NR3C2: variants seen among roughly 807,000 people sequenced by gnomAD.
The protein encoded by NR3C2 is mineralocorticoid receptor.
In NR3C2, 15 loss-of-function variants were observed where a neutral mutation model predicts 86.4. The observed-to-expected ratio is 0.17, with a 90% CI of 0.12 to 0.27. NR3C2 has a LOEUF of 0.27. Ranked by LOEUF, NR3C2 falls within the 10% of genes least tolerant of loss-of-function variation. The pLI, the probability that NR3C2 is intolerant of heterozygous loss-of-function variation, is 1.00. For missense variants in NR3C2, 960 were observed against 1,195.6 expected, an observed-to-expected ratio of 0.80 and a Z score of 2.91; for synonymous variants, 458 against 450.5, an observed-to-expected ratio of 1.02 and a Z score of -0.21.
chr4:148,266,330 C>T (rs912452879), intron 2 of NR3C2, among the ~76,000 whole-genome samples: 5 of 152,156 alleles, frequency 3.3e-5, no homozygotes, highest in African/African-American at 1.2e-4. Flanking sequence ...CTCGGCCTCC[C>T]AACGTGTTGG....
At chr4:148,305,684 AT>A (rs1283097871) in intron 2 of NR3C2, among the ~76,000 whole-genome samples, 2 of 152,314 alleles carry the variant, frequency 1.3e-5, no homozygotes, top group African/African-American at 4.8e-5. Context: ...AAAGCAGTAT[AT>A]TGTGCATGCA....
intron 8 of NR3C2, among the ~76,000 whole-genome samples, chr4:148,084,313 G>T (rs1730711787): frequency 6.6e-6 from 1 of 152,216 alleles, no homozygotes; most frequent in African/African-American, 2.4e-5. Context: ...CAGAATAACA[G>T]CAGATCTCTC....
At chr4:148,210,560 A>C (rs1036495432) in intron 3 of NR3C2, among the ~76,000 whole-genome samples, 44 of 152,128 alleles carry the variant, frequency 2.9e-4, no homozygotes, top group African/African-American at 1.1e-3. Flanking sequence ...AAGACAAGGT[A>C]ATTTCCTTTC....
intron 6 of NR3C2, among the ~76,000 whole-genome samples, chr4:148,136,071 AAAAAAC>A (rs1288431563): frequency 0.016 from 705 of 44,552 alleles, 21 homozygotes; most frequent in African/African-American, 0.033. Flanking sequence ...AAAAAAAAAA[AAAAAAC>A]AAAAAAAAAA....
intron 2 of NR3C2, among the ~76,000 whole-genome samples, chr4:148,383,635 G>A (rs1219186221): frequency 6.6e-6 from 1 of 152,148 alleles, no homozygotes; most frequent in Non-Finnish European, 1.5e-5. Context: ...CAAGGACACA[G>A]TTTAACTTCA....
intron 8 of NR3C2, among the ~76,000 whole-genome samples, chr4:148,090,935 TG>T (rs932537862): frequency 2.6e-5 from 4 of 152,338 alleles, no homozygotes; most frequent in African/African-American, 9.6e-5. Flanking sequence ...GGCATTGGCC[TG>T]GCAGCCGGGG....
At chr4:148,235,262 T>TTATATATATATATATATATATA (rs370271975) in intron 3 of NR3C2, among the ~76,000 whole-genome samples, 49 of 143,746 alleles carry the variant, frequency 3.4e-4, no homozygotes, top group East Asian at 8.0e-4. Flanking sequence ...TAAGTGGCAA[T>TTATATATATATATATATATATA]TATATATATA....
At chr4:148,143,290 G>C (rs771801281) in intron 6 of NR3C2, among the ~76,000 whole-genome samples, 99 of 152,304 alleles carry the variant, frequency 6.5e-4, no homozygotes, top group African/African-American at 2.3e-3. Flanking sequence ...AAAAGCTCTT[G>C]AGGAAATTCA....
chr4:148,130,819 G>GTTTTTTTTTTTTT (rs376180676), intron 6 of NR3C2, among the ~76,000 whole-genome samples: 1 of 108,904 alleles, frequency 9.2e-6, no homozygotes, highest in East Asian at 2.4e-4. Flanking sequence ...GTTTTGTTTT[G>GTTTTTTTTTTTTT]TTTTTTTTTT....
chr4:148,134,223 A>G (rs993862165), intron 6 of NR3C2, among the ~76,000 whole-genome samples: 3 of 152,342 alleles, frequency 2.0e-5, no homozygotes, highest in South Asian at 2.1e-4. Context: ...TCAGGACATT[A>G]TGAACAACTG....
chr4:148,346,064 G>A lies in NR3C2; in HGVS notation c.1758-85947C>T, dbSNP rs191561181. 6.1e-3 allele frequency among the ~76,000 whole-genome samples: 933 copies of A among 152,230 alleles called. 14 individuals carry two copies. The highest frequency in any genetic ancestry group is 0.024 in the Admixed American group (360 of 15,268). ...AGGCAGACAATAGTGAGAGTGAGAA[G>A]TGAAGGAAAGCAAAGATAGCTGAAA... is the stretch of plus-strand genomic sequence containing the variant. On this transcript the variant is annotated intron_variant, in intron 2 of 8. Transcript: ENST00000358102.
At chr4:148,157,892 C>T (rs1645302951) in intron 4 of NR3C2, among the ~76,000 whole-genome samples, 1 of 152,078 alleles carries the variant, frequency 6.6e-6, no homozygotes, top group African/African-American at 2.4e-5. Context: ...GAAAATCTTA[C>T]AATTCAGATA....
chr4:148,389,636 A>G (rs1474328807), intron 2 of NR3C2, among the ~76,000 whole-genome samples: 2 of 152,190 alleles, frequency 1.3e-5, no homozygotes, highest in African/African-American at 4.8e-5. Flanking sequence ...TGCCAGTTTA[A>G]TAAGAGAATC....
At chr4:148,325,110 CAG>C (rs75152966) in intron 2 of NR3C2, among the ~76,000 whole-genome samples, 52 of 148,318 alleles carry the variant, frequency 3.5e-4, no homozygotes, top group Non-Finnish European at 5.1e-4. Context: ...AGTGGAGAGA[CAG>C]AGAGAGAGAG....
chr4:148,395,332 CT>C (rs34152444), intron 2 of NR3C2, among the ~76,000 whole-genome samples: 1 of 152,016 alleles, frequency 6.6e-6, no homozygotes, highest in East Asian at 1.9e-4. Flanking sequence ...AGAATATGGA[CT>C]TTTTTGGGGC....
At chr4:148,192,990 C>T (rs1736270846) in intron 4 of NR3C2, among the ~76,000 whole-genome samples, 1 of 152,232 alleles carries the variant, frequency 6.6e-6, no homozygotes, top group Non-Finnish European at 1.5e-5. Context: ...CGAGTTCTGG[C>T]AAGGAGGCTT....
At chr4:148,229,225 C>T (rs2149835972) in intron 3 of NR3C2, among the ~76,000 whole-genome samples, 1 of 152,268 alleles carries the variant, frequency 6.6e-6, no homozygotes, top group East Asian at 1.9e-4. Flanking sequence ...GTGGAACCAC[C>T]CGAAATTCAC....
chr4:148,369,482 T>C (rs546500405), intron 2 of NR3C2, among the ~76,000 whole-genome samples: 1 of 152,350 alleles, frequency 6.6e-6, no homozygotes, highest in Admixed American at 6.5e-5. Flanking sequence ...TACTTCACTT[T>C]GAGGCATGAC....
chr4:148,117,582 T>C (rs1732329708), intron 7 of NR3C2, among the ~76,000 whole-genome samples: 1 of 152,188 alleles, frequency 6.6e-6, no homozygotes, highest in South Asian at 2.1e-4. Flanking sequence ...TCTCCCAGGG[T>C]AATTTTAAGC....
Sources: gnomAD v4.1 joint callset for allele counts (sites outside exome capture counted in the v4.1 genomes callset) on GRCh38, gnomAD v4.1.1 for gene constraint, MANE v1.5 for transcripts, NCBI Gene and HGNC (gene_info 2026-07-23, HGNC 2026-07-21) for gene names.